PCDH15: variants seen among roughly 807,000 people sequenced by gnomAD.
PCDH15 encodes protocadherin related 15, also known as protocadherin-15.
PCDH15 carries 129 observed loss-of-function variants against 178.5 expected under a neutral mutation model. The observed-to-expected ratio is 0.72, with a 90% CI of 0.63 to 0.84. PCDH15 has a LOEUF of 0.84. Among genes scored for constraint, PCDH15 ranks in the 40% least tolerant of loss-of-function variants. The probability of loss-of-function intolerance (pLI) is 0.00; values close to 1 mark genes in which losing one functional copy is unlikely to be tolerated. For missense variants in PCDH15, 2,230 were observed against 2,099.9 expected, an observed-to-expected ratio of 1.06 and a Z score of -1.21; for synonymous variants, 800 against 732.0, an observed-to-expected ratio of 1.09 and a Z score of -1.50.
chr10:55,617,011 T>C (rs1843492949), intron 2 of PCDH15, among the ~76,000 whole-genome samples: 1 of 152,130 alleles, frequency 6.6e-6, no homozygotes, highest in Non-Finnish European at 1.5e-5. Context: ...TATTACTTAA[T>C]ACATTAAAAT....
chr10:53,895,476 A>G (rs909802811), intron 26 of PCDH15, among the ~76,000 whole-genome samples: 25 of 152,348 alleles, frequency 1.6e-4, no homozygotes, highest in East Asian at 7.7e-4. Context: ...AAATCTTTTT[A>G]ACTTTCAGTA....
At chr10:53,868,121 A>C (rs780932406) in intron 26 of PCDH15, among the ~76,000 whole-genome samples, 2 of 152,080 alleles carry the variant, frequency 1.3e-5, no homozygotes, top group Admixed American at 1.3e-4. Context: ...TTGGAAAATA[A>C]ATGGTAGATA....
At chr10:55,397,930 G>A (rs536092558) in intron 2 of PCDH15, among the ~76,000 whole-genome samples, 230 of 152,190 alleles carry the variant, frequency 1.5e-3, no homozygotes, top group Middle Eastern at 3.4e-3. Context: ...AGTGACTGAC[G>A]TGAGGATGAA....
intron 1 of PCDH15, among the ~76,000 whole-genome samples, chr10:55,262,855 CA>C (rs1261924448): frequency 2.0e-5 from 3 of 152,182 alleles, no homozygotes; most frequent in African/African-American, 7.2e-5. Flanking sequence ...TTCACTAACA[CA>C]AGCTGCCTAT....
rs537209114 is a variant in PCDH15, at chr10:53,904,464, T to C, written c.3374-1094A>G. On this transcript the variant is annotated intron_variant, in intron 25 of 37. Transcript: ENST00000644397. ...GCTTGTATTAGTAAGAACTTAGAAA[T>C]AGTCTTTTTTTTTTTTTTGCTTGCC... Among the ~76,000 whole-genome samples the C allele has an allele frequency of 3.3e-3, 344 of 103,446 alleles. 2 individuals are homozygous for C. Among genetic ancestry groups the C allele is most frequent in the Non-Finnish European group, 5.6e-3 (300 of 53,828 alleles). The allele number at this position is 103,446 out of a possible 152,430, so 67.9% of individuals were successfully genotyped here.
chr10:55,504,429 A>C (rs909722912), intron 2 of PCDH15, among the ~76,000 whole-genome samples: 4 of 151,480 alleles, frequency 2.6e-5, no homozygotes, highest in South Asian at 2.1e-4. Context: ...CTCAAAGACA[A>C]AAACTGTAAA....
chr10:55,519,587 T>C (rs76555453), intron 2 of PCDH15, among the ~76,000 whole-genome samples: 3,204 of 152,132 alleles, frequency 0.021, 122 homozygotes, highest in African/African-American at 0.073. Context: ...GTATACTATA[T>C]TTTTCCGTAT....
intron 11 of PCDH15, among the ~76,000 whole-genome samples, chr10:54,187,245 C>T (rs1300861088): frequency 2.0e-5 from 3 of 151,920 alleles, no homozygotes; most frequent in African/African-American, 7.2e-5. Flanking sequence ...TACCTTAATT[C>T]TCTCAATTTA....
rs1367581624 is a variant in PCDH15, at chr10:54,563,776, T to G, written c.92-35899A>C. Among the ~76,000 whole-genome samples, 3 of 152,114 alleles carry G rather than the reference T, an allele frequency of 2.0e-5. No homozygotes were observed. In the East Asian group the frequency reaches 5.8e-4, roughly 29 times the overall value. The stretch of plus-strand genomic sequence containing the variant: ...CATTTCCTGTTCTAGTTGTGTATAT[T>G]GTGGTAATAAGAAAAGCAACAGAGC... On this transcript the variant is annotated intron_variant, in intron 2 of 37. Transcript: ENST00000644397.
intron 2 of PCDH15, among the ~76,000 whole-genome samples, chr10:55,359,743 TATATAC>T (rs1193190968): frequency 3.3e-3 from 385 of 117,910 alleles, no homozygotes; most frequent in Admixed American, 3.9e-3. Context: ...TATATATATA[TATATAC>T]ACACACACAC....
chr10:54,189,352 C>G (rs747588284), intron 11 of PCDH15: 2 of 1,571,472 alleles, frequency 1.3e-6, no homozygotes, highest in Admixed American at 1.8e-5. Flanking sequence ...AAGCTTAACA[C>G]CTAGTACCTA....
intron 5 of PCDH15, among the ~76,000 whole-genome samples, chr10:54,356,646 T>C (rs1242011869): frequency 2.0e-5 from 3 of 151,888 alleles, no homozygotes; most frequent in Non-Finnish European, 4.4e-5. Flanking sequence ...AAAGAAATAT[T>C]GTCTGACCAG....
At chr10:53,965,105 T>A (rs902535413) in intron 21 of PCDH15, among the ~76,000 whole-genome samples, 2 of 151,574 alleles carry the variant, frequency 1.3e-5, no homozygotes, top group Non-Finnish European at 2.9e-5. Context: ...TTACCCGGGC[T>A]GGAGTGCAGT....
chr10:55,405,299 TATATAC>T lies in PCDH15; in HGVS notation c.-156+222320_-156+222325del, dbSNP rs879332909. Among the ~76,000 whole-genome samples the T allele has an allele frequency of 1.4e-3, 208 of 144,166 alleles. 14 individuals carry two copies. The highest frequency in any genetic ancestry group is 3.9e-3 in the South Asian group (18 of 4,598). The allele number at this position is 144,166 out of a possible 152,430, so 94.6% of individuals were successfully genotyped here. ...GAGGTAACAGATATATATATATATA[TATATAC>T]AATTTAATGTCATGTAATTAAAGAT... On this transcript the variant is annotated intron_variant, in intron 2 of 5. Coordinates refer to the PCDH15 transcript ENST00000613346.
chr10:54,748,492 C>T (rs1398338271), intron 1 of PCDH15, among the ~76,000 whole-genome samples: 1 of 152,024 alleles, frequency 6.6e-6, no homozygotes, highest in South Asian at 2.1e-4. Context: ...TGAAAAAGCT[C>T]AGAGAGATAA....
At chr10:55,329,294 G>A (rs1420263942) in intron 2 of PCDH15, among the ~76,000 whole-genome samples, 1 of 151,324 alleles carries the variant, frequency 6.6e-6, no homozygotes, top group African/African-American at 2.4e-5. Context: ...AGTTTTAAAA[G>A]GCTACATGTA....
At chr10:55,403,729 G>C (rs1838129610) in intron 2 of PCDH15, among the ~76,000 whole-genome samples, 1 of 151,924 alleles carries the variant, frequency 6.6e-6, no homozygotes. Flanking sequence ...CAATAGCTTT[G>C]TAGTGTATTT....
At chr10:54,226,469 G>T (rs1334344665) in intron 9 of PCDH15, among the ~76,000 whole-genome samples, 1 of 152,150 alleles carries the variant, frequency 6.6e-6, no homozygotes, top group African/African-American at 2.4e-5. Flanking sequence ...GGAGGCTGAG[G>T]CAGGCAGATC....
At chr10:55,512,627 G>C (rs563650724) in intron 2 of PCDH15, among the ~76,000 whole-genome samples, 6 of 152,006 alleles carry the variant, frequency 3.9e-5, no homozygotes, top group African/African-American at 1.4e-4. Context: ...TAAGAACCTT[G>C]GCACCTTTTG....
Sources: allele counts gnomAD v4.1 joint callset (sites outside exome capture counted in the v4.1 genomes callset), GRCh38; gene constraint gnomAD v4.1.1; transcripts MANE v1.5; gene names NCBI Gene and HGNC (gene_info 2026-07-23, HGNC 2026-07-21).